The following GTSE1 variants were observed in gnomAD, a reference collection of about 807,000 sequenced individuals.
The protein encoded by GTSE1 is G2 and S phase-expressed protein 1.
A neutral mutation model predicts 60.5 loss-of-function variants in GTSE1; 52 were observed. The observed-to-expected ratio is 0.86, with a 90% CI of 0.69 to 1.08. The LOEUF is 1.08. GTSE1 is among the 50% of genes least tolerant of loss of function. The pLI is 0.00. For missense variants in GTSE1, 937 were observed against 961.8 expected, an observed-to-expected ratio of 0.97 and a Z score of 0.34; for synonymous variants, 368 against 386.5, an observed-to-expected ratio of 0.95 and a Z score of 0.56.
chr22:46,308,499 C>T lies in GTSE1; in HGVS notation c.318C>T (p.His106=), dbSNP rs1457209086. 6.2e-7 allele frequency: 1 copy of T among 1,614,230 alleles called. No individual in the cohort carries two copies. The highest frequency in any genetic ancestry group is 1.1e-5 in the South Asian group (1 of 91,086). ...EKFVEVYKEA[H]LLALHIESSS... Reference sequence around the variant, plus strand: ...TCGTGGAGGTGTACAAAGAAGCTCACTTACTGGCTTTACACATTGAGAGCA... The same window carrying T: ...TCGTGGAGGTGTACAAAGAAGCTCATTTACTGGCTTTACACATTGAGAGCA... The change falls in exon 4 of 12, where the codon CAC becomes CAT. Residue 106 remains histidine (H), a synonymous_variant. Coordinates refer to ENST00000454366, the MANE Select transcript of GTSE1 (RefSeq NM_016426.7).
At chr22:46,311,401 A>G (rs1246599881) in intron 4 of GTSE1, among the ~76,000 whole-genome samples, 2 of 152,182 alleles carry the variant, frequency 1.3e-5, no homozygotes, top group African/African-American at 4.8e-5. Context: ...TTTTTGGGAC[A>G]CCACTATATT....
rs1452816910 is a variant in GTSE1, at chr22:46,308,343, C to T, written c.162C>T (p.Phe54=). 6.2e-6 allele frequency: 10 copies of T among 1,613,816 alleles called. No individual in the cohort carries two copies. The highest frequency in any genetic ancestry group is 8.5e-6 in the Non-Finnish European group (10 of 1,179,822). ...SSSANEDDEV[F]FGPFGHKERC... ...GTGCAAATGAAGATGATGAAGTCTT[C>T]TTCGGACCCTTTGGACATAAAGAAA... Residue 54 remains phenylalanine, a synonymous_variant, in exon 4 of 12, where the codon TTC becomes TTT. Transcript: ENST00000454366.
Position 46,304,523 on chromosome 22 carries a change from C to T in GTSE1, c.80-3627C>T, listed in dbSNP as rs1328868384. Among the ~76,000 whole-genome samples the T allele has an allele frequency of 3.3e-5, 5 of 152,094 alleles. No individual in the cohort carries two copies. Among genetic ancestry groups the T allele is most frequent in the South Asian group, 4.1e-4 (2 of 4,828 alleles). ...TATGCCCGTTCAACATATGTGCAGACGATCATGGTTTTCTCTTTAGCTCTA... is the reference window on the plus strand; with the variant it reads ...TATGCCCGTTCAACATATGTGCAGATGATCATGGTTTTCTCTTTAGCTCTA... On this transcript the variant is annotated intron_variant, in intron 2 of 11. Coordinates refer to ENST00000454366, the MANE Select transcript of GTSE1 (RefSeq NM_016426.7). This position sits in a 1 kb window ranked among gnomAD's most constrained non-coding sequence, Gnocchi z 4.4.
Position 46,310,063 on chromosome 22 carries a change from C to T in GTSE1, c.762+1120C>T, listed in dbSNP as rs911095693. 2.6e-5 allele frequency among the ~76,000 whole-genome samples: 4 copies of T among 152,172 alleles called. No homozygotes were observed. In the East Asian group the frequency reaches 7.7e-4, roughly 29 times the overall value. On this transcript the variant is annotated intron_variant, in intron 4 of 11. Coordinates refer to ENST00000454366, the MANE Select transcript of GTSE1 (RefSeq NM_016426.7). The surrounding 1 kb of genome is among the most constrained non-coding windows in gnomAD (Gnocchi z 4.4). ...TGTTCCCAGTGGACAGGGCACTGTC[C>T]GCACAGCTGAGATGCACTCATGCAC...
At position 46,323,244 on chromosome 22, in the gene GTSE1, C is replaced by T. The variant is rs145754460; in HGVS notation, c.1487C>T (p.Ser496Leu). ...PKLSRAQRPQSCTSVGRVTVH... is the reference protein window; with the variant it reads ...PKLSRAQRPQLCTSVGRVTVH... ...CTTTCGCGGGCACAGCGGCCGCAGTCGTGCACGTCAGTTGGCAGGTGAGTG... is the reference window on the plus strand; with the variant it reads ...CTTTCGCGGGCACAGCGGCCGCAGTTGTGCACGTCAGTTGGCAGGTGAGTG... The change falls in exon 8 of 12, where the codon TCG becomes TTG. Residue 496 changes from serine (S) to leucine (L), a missense_variant. By Grantham distance (145) the Ser-to-Leu change is moderately radical (BLOSUM62 -2). Coordinates refer to ENST00000454366, the MANE Select transcript of GTSE1 (RefSeq NM_016426.7). 2.1e-3 allele frequency: 3,418 copies of T among 1,613,580 alleles called. 10 individuals carry two copies. The highest frequency in any genetic ancestry group is 4.1e-3 in the Middle Eastern group (25 of 6,062).
Position 46,310,678 on chromosome 22 carries a change from C to G in GTSE1, c.763-1463C>G, listed in dbSNP as rs529285239. On this transcript the variant is annotated intron_variant, in intron 4 of 11. Transcript: ENST00000454366. The surrounding 1 kb of genome is among the most constrained non-coding windows in gnomAD (Gnocchi z 4.4). ...GCGTGGTAGCTCACACCTGTGATCA[C>G]AGCACTTTGGGAAGCCAAGGTGGGC... Among the ~76,000 whole-genome samples the G allele has an allele frequency of 6.6e-6, 1 of 152,222 alleles. No homozygotes were observed. Among genetic ancestry groups the G allele is most frequent in the Non-Finnish European group, 1.5e-5 (1 of 68,048 alleles).
Position 46,308,485 on chromosome 22 carries a change from T to G in GTSE1, c.304T>G (p.Tyr102Asp). Residue 102 changes from tyrosine to aspartate, a missense_variant, in exon 4 of 12, where the codon TAC (tyrosine) becomes GAC (aspartate). Transcript: ENST00000454366. ...PLAGEKFVEVYKEAHLLALHI... is the reference protein window; with the variant it reads ...PLAGEKFVEVDKEAHLLALHI... ...GGCCGGGGAGAAGTTCGTGGAGGTG[T>G]ACAAAGAAGCTCACTTACTGGCTTT... The G allele has an allele frequency of 6.2e-7, 1 of 1,614,116 alleles. No homozygotes were observed. Among genetic ancestry groups the G allele is most frequent in the Non-Finnish European group, 8.5e-7 (1 of 1,180,022 alleles).
Position 46,309,753 on chromosome 22 carries a change from C to T in GTSE1, c.762+810C>T, listed in dbSNP as rs1023652314. ...GGTGCAGCCGCCACGCCACACACTG[C>T]CCTTGACAAGGAGGTATGCCCGGCA... is the stretch of plus-strand genomic sequence containing the variant. On this transcript the variant is annotated intron_variant, in intron 4 of 11. Coordinates refer to ENST00000454366, the MANE Select transcript of GTSE1 (RefSeq NM_016426.7). This position sits in a 1 kb window ranked among gnomAD's most constrained non-coding sequence, Gnocchi z 6.2. 2.6e-5 allele frequency among the ~76,000 whole-genome samples: 4 copies of T among 152,218 alleles called. No individual in the cohort carries two copies. The highest frequency in any genetic ancestry group is 9.7e-5 in the African/African-American group (4 of 41,448).
Position 46,297,605 on chromosome 22 carries a change from A to C in GTSE1, c.79+126A>C. On this transcript the variant is annotated intron_variant, in intron 2 of 11. Coordinates refer to ENST00000454366, the MANE Select transcript of GTSE1 (RefSeq NM_016426.7). The surrounding 1 kb of genome is among the most constrained non-coding windows in gnomAD (Gnocchi z 4.9). Reference sequence around the variant, plus strand: ...CTTGTACTCTGCACCTGTGAAACACATGACATCTGCCTTCGTTTTCTGGTT... The same window carrying C: ...CTTGTACTCTGCACCTGTGAAACACCTGACATCTGCCTTCGTTTTCTGGTT... The C allele has an allele frequency of 1.5e-6, 1 of 671,666 alleles. No homozygotes were observed. Among genetic ancestry groups the C allele is most frequent in the South Asian group, 1.8e-5 (1 of 55,336 alleles). The allele number at this position is 671,666 out of a possible 1,614,324, so 41.6% of individuals were successfully genotyped here.
intron 2 of GTSE1, among the ~76,000 whole-genome samples, chr22:46,305,252 G>T (rs1247336929): frequency 6.6e-6 from 1 of 152,120 alleles, no homozygotes. Context: ...TATGATTATT[G>T]AAGTATTAAG....
Position 46,308,133 on chromosome 22 carries a change from G to A in GTSE1, c.80-17G>A. 6.3e-7 allele frequency: 1 copy of A among 1,578,260 alleles called. No homozygotes were observed. The highest frequency in any genetic ancestry group is 1.1e-5 in the South Asian group (1 of 90,066). On this transcript the variant is annotated splice_polypyrimidine_tract_variant and intron_variant, in intron 2 of 11. Coordinates refer to ENST00000454366, the MANE Select transcript of GTSE1 (RefSeq NM_016426.7). The stretch of plus-strand genomic sequence containing the variant: ...TCAGCTGTGGCACTAAAATAACAGT[G>A]GATTTTTTCCCTCTAGACATTCTTC...
At chr22:46,301,139 A>C (rs565025816) in intron 2 of GTSE1, among the ~76,000 whole-genome samples, 3 of 152,322 alleles carry the variant, frequency 2.0e-5, no homozygotes, top group South Asian at 4.1e-4. Flanking sequence ...CATTCATCTC[A>C]TCTGCTGTGG....
rs1042598124 is a variant in GTSE1, at chr22:46,304,965, C to T, written c.80-3185C>T. On this transcript the variant is annotated intron_variant, in intron 2 of 11. Coordinates refer to ENST00000454366, the MANE Select transcript of GTSE1 (RefSeq NM_016426.7). This position sits in a 1 kb window ranked among gnomAD's most constrained non-coding sequence, Gnocchi z 4.4. ...CTGTACTCCAGCCTGGGTGACAGAG[C>T]GAGACCCTGTCTCAAAAAAAGAAAA... 7.2e-5 allele frequency among the ~76,000 whole-genome samples: 11 copies of T among 152,164 alleles called. No homozygotes were observed. The highest frequency in any genetic ancestry group is 3.9e-4 in the East Asian group (2 of 5,180).
intron 4 of GTSE1, among the ~76,000 whole-genome samples, chr22:46,311,561 C>T (rs1457230924): frequency 3.3e-5 from 5 of 152,202 alleles, no homozygotes; most frequent in African/African-American, 1.2e-4. Flanking sequence ...GCGTCTTTAC[C>T]ACTCTGAGCT....
intron 7 of GTSE1, among the ~76,000 whole-genome samples, chr22:46,322,103 A>C (rs1389363282): frequency 6.8e-6 from 1 of 147,084 alleles, no homozygotes; most frequent in Non-Finnish European, 1.5e-5. Flanking sequence ...AAAAAAGAGC[A>C]GGAGAGAGGA....
rs1386741655 is a variant in GTSE1 at position 46,321,445 on chromosome 22, GGA to G, written c.1433-1739_1433-1738del. Among the ~76,000 whole-genome samples the G allele has an allele frequency of 6.6e-6, 1 of 152,206 alleles. No homozygotes were observed. The highest frequency in any genetic ancestry group is 2.4e-5 in the African/African-American group (1 of 41,450). The stretch of plus-strand genomic sequence containing the variant: ...AAACAAACAAACTGAAAACGGAGGT[GGA>G]GAGAGGGTGGGAGCATGTTTGACTC... On this transcript the variant is annotated intron_variant, in intron 7 of 11. Transcript: ENST00000454366. This position sits in a 1 kb window ranked among gnomAD's most constrained non-coding sequence, Gnocchi z 4.0.
chr22:46,303,254 T>C (rs1308262344), intron 2 of GTSE1, among the ~76,000 whole-genome samples: 1 of 152,228 alleles, frequency 6.6e-6, no homozygotes, highest in Non-Finnish European at 1.5e-5. Flanking sequence ...GTCTTCTTTA[T>C]ATCCATTTTG....
At position 46,308,501 on chromosome 22, in the gene GTSE1, T is replaced by A; in HGVS notation, c.320T>A (p.Leu107Ter). The A allele has an allele frequency of 6.2e-7, 1 of 1,614,218 alleles. No homozygotes were observed. The highest frequency in any genetic ancestry group is 8.5e-7 in the Non-Finnish European group (1 of 1,180,036). ...GTGGAGGTGTACAAAGAAGCTCACT[T>A]ACTGGCTTTACACATTGAGAGCAGC... ...KFVEVYKEAH[L>*]LALHIESSSR... is the part of the protein sequence containing the mutation. The change falls in exon 4 of 12, where the codon TTA becomes TAA. Residue 107 changes from leucine (L) to a stop codon, truncating the protein, a stop_gained. Coordinates refer to ENST00000454366, the MANE Select transcript of GTSE1 (RefSeq NM_016426.7). LOFTEE classifies it high-confidence loss of function.
Position 46,323,281 on chromosome 22 carries a change from C to T in GTSE1, c.1505+19C>T. ...TTGGCAGGTGAGTGACGTTGGTCCG[C>T]TTCCTCTCTTTATTGCTGTAGAATG... On this transcript the variant is annotated intron_variant, in intron 8 of 11. Transcript: ENST00000454366. 1 of 1,580,580 alleles carries T rather than the reference C, an allele frequency of 6.3e-7. No homozygotes were observed. Among genetic ancestry groups the T allele is most frequent in the South Asian group, 1.1e-5 (1 of 90,424 alleles).
Sources: allele counts gnomAD v4.1 joint callset (sites outside exome capture counted in the v4.1 genomes callset), GRCh38; gene constraint gnomAD v4.1.1; non-coding constraint Gnocchi (gnomAD v3.1); transcripts MANE v1.5; gene names NCBI Gene and HGNC (gene_info 2026-07-23, HGNC 2026-07-21).